The following MYO9A variants were observed in gnomAD, a reference collection of about 807,000 sequenced individuals.
The protein encoded by MYO9A is unconventional myosin-IXa.
A neutral mutation model predicts 293.3 loss-of-function variants in MYO9A; 103 were observed. The observed-to-expected ratio is 0.35, with a 90% CI of 0.30 to 0.41. MYO9A has a LOEUF of 0.41. Ranked by LOEUF, MYO9A falls within the 10% of genes least tolerant of loss-of-function variation. The pLI is 1.00. For synonymous variants in MYO9A, 1,001 were observed against 1,035.7 expected, an observed-to-expected ratio of 0.97 and a Z score of 0.64; for missense variants, 2,685 against 3,033.0, an observed-to-expected ratio of 0.89 and a Z score of 2.69.
chr15:72,116,746 T>C (rs547239149), intron 1 of MYO9A: 6 of 152,206 alleles, frequency 3.9e-5, no homozygotes, highest in African/African-American at 1.2e-4. Flanking sequence ...TATCCACTAG[T>C]GCAACGTGAT....
intron 14 of MYO9A, among the ~76,000 whole-genome samples, chr15:71,958,241 T>C (rs1251175530): frequency 6.6e-6 from 1 of 152,164 alleles, no homozygotes; most frequent in East Asian, 1.9e-4. Context: ...TATGACTGCA[T>C]AATATTTACG....
At chr15:72,054,471 G>C (rs1446839246) in intron 1 of MYO9A, among the ~76,000 whole-genome samples, 1 of 152,046 alleles carries the variant, frequency 6.6e-6, no homozygotes, top group Non-Finnish European at 1.5e-5. Context: ...AGGAGTTCGA[G>C]GCCAGCCTGG....
chr15:72,107,769 A>G (rs2080623306), intron 1 of MYO9A, among the ~76,000 whole-genome samples: 1 of 146,010 alleles, frequency 6.8e-6, no homozygotes, highest in South Asian at 2.2e-4. Context: ...AGAAGCTCCC[A>G]CTGTCCTTAT....
chr15:71,898,336 T>A lies in MYO9A; in HGVS notation c.4167A>T (p.Gly1389=). 6.2e-7 allele frequency: 1 copy of A among 1,613,848 alleles called. No individual in the cohort carries two copies. The highest frequency in any genetic ancestry group is 8.5e-7 in the Non-Finnish European group (1 of 1,180,022). Residue 1389 remains glycine (G), a synonymous_variant, in exon 25 of 42, where the codon GGA becomes GGT. Coordinates refer to ENST00000356056, the MANE Select transcript of MYO9A (RefSeq NM_006901.4). The part of the protein sequence containing the change: ...ETSSAEHLKD[G]TMKEMVVCSS... ...TGCAGACCACCATTTCCTTCATAGT[T>A]CCATCCTTCAAATGCTCTGCACTGC...
intron 2 of MYO9A, among the ~76,000 whole-genome samples, chr15:72,038,168 T>G (rs1345345403): frequency 6.6e-6 from 1 of 151,940 alleles, no homozygotes; most frequent in African/African-American, 2.4e-5. Flanking sequence ...AGTGATCCAC[T>G]CTCCTTGGCC....
At chr15:72,100,761 C>G (rs1299921700) in intron 1 of MYO9A, among the ~76,000 whole-genome samples, 6 of 150,728 alleles carry the variant, frequency 4.0e-5, no homozygotes, top group Admixed American at 3.9e-4. Context: ...ACCCTCCACC[C>G]GGCAGCTGCC....
chr15:72,048,513 C>T (rs2078460255), intron 1 of MYO9A, among the ~76,000 whole-genome samples: 1 of 152,176 alleles, frequency 6.6e-6, no homozygotes, highest in Non-Finnish European at 1.5e-5. Context: ...AGTCCTATCT[C>T]ATAGCATACT....
At chr15:72,003,040 C>A (rs529375830) in intron 8 of MYO9A, among the ~76,000 whole-genome samples, 1 of 151,952 alleles carries the variant, frequency 6.6e-6, no homozygotes, top group Non-Finnish European at 1.5e-5. Flanking sequence ...GAGACCGAGG[C>A]GGGAGGATCA....
intron 15 of MYO9A, among the ~76,000 whole-genome samples, chr15:71,944,860 CT>C (rs1029706892): frequency 6.6e-6 from 1 of 152,070 alleles, no homozygotes; most frequent in African/African-American, 2.4e-5. Context: ...TTGTTAATTT[CT>C]ACCAAAAAAT....
intron 1 of MYO9A, among the ~76,000 whole-genome samples, chr15:72,068,333 C>T (rs2079081590): frequency 6.6e-6 from 1 of 152,084 alleles, no homozygotes; most frequent in Non-Finnish European, 1.5e-5. Context: ...TAGTTGGACA[C>T]TGTGCTGTGT....
chr15:71,879,894 A>G (rs2056821301), intron 29 of MYO9A, 57 bp from the exon 30 acceptor site: 1 of 1,157,956 alleles, frequency 8.6e-7, no homozygotes, highest in Admixed American at 1.7e-5. Context: ...AGAAGTAAAT[A>G]CAACAGTAGG....
At chr15:71,909,223 C>T (rs1021892925) in intron 19 of MYO9A, among the ~76,000 whole-genome samples, 1 of 152,150 alleles carries the variant, frequency 6.6e-6, no homozygotes, top group Non-Finnish European at 1.5e-5. Flanking sequence ...TATCTGTGTA[C>T]AGGTTATTGT....
intron 2 of MYO9A, among the ~76,000 whole-genome samples, chr15:72,040,603 T>C (rs1050490455): frequency 6.6e-6 from 1 of 152,202 alleles, no homozygotes. Context: ...CCCAGTATTT[T>C]CCGTTTTTTT....
chr15:71,906,997 G>A (rs1362486939), intron 19 of MYO9A, among the ~76,000 whole-genome samples: 3 of 148,368 alleles, frequency 2.0e-5, no homozygotes, highest in Non-Finnish European at 4.5e-5. Context: ...CAATGTGCAG[G>A]TTAGTTACAT....
chr15:71,909,887 T>A (rs2057780574), intron 19 of MYO9A, among the ~76,000 whole-genome samples: 1 of 152,036 alleles, frequency 6.6e-6, no homozygotes, highest in Admixed American at 6.6e-5. Context: ...TAGCCACAGC[T>A]ACTTGGGAGG....
chr15:72,101,975 C>T (rs1349288026), intron 1 of MYO9A, among the ~76,000 whole-genome samples: 1 of 151,896 alleles, frequency 6.6e-6, no homozygotes, highest in Non-Finnish European at 1.5e-5. Flanking sequence ...GCCACCACCC[C>T]GTCTGGGAGG....
intron 9 of MYO9A, among the ~76,000 whole-genome samples, chr15:71,996,264 T>C (rs781013830): frequency 1.4e-4 from 21 of 152,156 alleles, no homozygotes; most frequent in Admixed American, 5.9e-4. Context: ...ATTATCACAA[T>C]AAATTTTATG....
intron 9 of MYO9A, among the ~76,000 whole-genome samples, chr15:71,999,346 G>T (rs1256043726): frequency 6.6e-6 from 1 of 151,904 alleles, no homozygotes; most frequent in Non-Finnish European, 1.5e-5. Flanking sequence ...TAAAGTGATG[G>T]GACTGGGTAA....
chr15:72,096,662 G>A (rs2080073814), intron 1 of MYO9A, among the ~76,000 whole-genome samples: 1 of 152,188 alleles, frequency 6.6e-6, no homozygotes, highest in Non-Finnish European at 1.5e-5. Context: ...ATTTCATGAG[G>A]CTTTAGCTGC....
Sources: allele counts gnomAD v4.1 joint callset (sites outside exome capture counted in the v4.1 genomes callset), GRCh38; gene constraint gnomAD v4.1.1; transcripts MANE v1.5; gene names NCBI Gene and HGNC (gene_info 2026-07-23, HGNC 2026-07-21).